The following MICU3 variants were observed in gnomAD, a reference collection of about 807,000 sequenced individuals.
MICU3 encodes the protein calcium uptake protein 3, mitochondrial.
A neutral mutation model predicts 66.5 loss-of-function variants in MICU3; 62 were observed. The observed-to-expected ratio is 0.93, with a 90% CI of 0.76 to 1.15. MICU3 has a LOEUF of 1.15. MICU3 is among the 50% of genes most tolerant of loss of function. The probability of loss-of-function intolerance (pLI) is 0.00; values close to 1 mark genes in which losing one functional copy is unlikely to be tolerated. For missense variants in MICU3, 779 were observed against 664.4 expected (o/e 1.17, Z -1.90); for synonymous variants, 308 against 240.7 (o/e 1.28, Z -2.59).
downstream of MICU3, among the ~76,000 whole-genome samples, chr8:17,125,375 C>A (rs1481037368): frequency 6.6e-6 from 1 of 151,812 alleles, no homozygotes; most frequent in Admixed American, 6.6e-5. Context: ...CCCTTCATTG[C>A]CTTATTTCTT....
chr8:17,073,677 A>G (rs1375394935), intron 3 of MICU3, among the ~76,000 whole-genome samples: 3 of 152,146 alleles, frequency 2.0e-5, no homozygotes, highest in African/African-American at 7.2e-5. Flanking sequence ...CCTGGTGCCA[A>G]AAAGGTTGGG....
intron 5 of MICU3, among the ~76,000 whole-genome samples, chr8:17,082,497 G>A (rs1482368245): frequency 1.3e-5 from 2 of 152,120 alleles, no homozygotes; most frequent in Non-Finnish European, 2.9e-5. Flanking sequence ...CTATTTGAAA[G>A]TATTATTGGT....
intron 5 of MICU3, among the ~76,000 whole-genome samples, chr8:17,083,080 TA>T (rs1374207060): frequency 6.6e-6 from 1 of 152,040 alleles, no homozygotes. Flanking sequence ...TCAGAGTTCT[TA>T]AGGATAATTT....
In MICU3 at chr8:17,063,065, C is replaced by CG. The variant is rs1271625711; in HGVS notation, c.382-1019_382-1018insG. On this transcript the variant is annotated intron_variant, in intron 1 of 14. Transcript: ENST00000318063. ...ATATTATACAGTTAACAAAAATGGT[C>CG]TTCTACAGGAATAGTGACACAGGAA... Among the ~76,000 whole-genome samples the CG allele has an allele frequency of 2.0e-5, 3 of 152,202 alleles. No homozygotes were observed. The East Asian group carries it at 5.8e-4, about 29-fold the overall frequency.
At chr8:17,030,372 G>T (rs1585137440) in intron 1 of MICU3, among the ~76,000 whole-genome samples, 1 of 152,194 alleles carries the variant, frequency 6.6e-6, no homozygotes, top group South Asian at 2.1e-4. Context: ...GCACGAAAGG[G>T]CTTCTTATTA....
intron 9 of MICU3, among the ~76,000 whole-genome samples, chr8:17,100,819 T>G (rs1054654296): frequency 6.6e-6 from 1 of 151,752 alleles, no homozygotes; most frequent in Non-Finnish European, 1.5e-5. Flanking sequence ...TCATATATAA[T>G]AAATTCTTAG....
At chr8:17,043,065 G>T (rs562936737) in intron 1 of MICU3, among the ~76,000 whole-genome samples, 1 of 144,578 alleles carries the variant, frequency 6.9e-6, no homozygotes, top group African/African-American at 2.6e-5. Context: ...TCAGCCTCCC[G>T]AGTAGCTGGG....
In MICU3 at chr8:17,096,958, TG is replaced by T. The variant is rs1800766984; in HGVS notation, c.889-1499del. Among the ~76,000 whole-genome samples, 4 of 21,778 alleles carry T rather than the reference TG, an allele frequency of 1.8e-4. 1 individual carries two copies. Among genetic ancestry groups the T allele is most frequent in the East Asian group, 4.9e-3 (1 of 206 alleles). 14.3% of individuals were successfully genotyped at this position (21,778 alleles called of 152,430 possible). On this transcript the variant is annotated intron_variant, in intron 8 of 14. Coordinates refer to ENST00000318063, the MANE Select transcript of MICU3 (RefSeq NM_181723.3). ...TCTTAATACGTTCTAAATATATTTG[TG>T]TGTGTGTGTGTGTGTGTGTGTGTGT...
At chr8:17,101,007 G>C (rs1801208709) in intron 9 of MICU3, among the ~76,000 whole-genome samples, 1 of 151,652 alleles carries the variant, frequency 6.6e-6, no homozygotes, top group Admixed American at 6.6e-5. Flanking sequence ...AAAATCAAAA[G>C]TTTGAAGATT....
chr8:17,110,477 T>A (rs1802092418), intron 11 of MICU3, among the ~76,000 whole-genome samples: 1 of 152,178 alleles, frequency 6.6e-6, no homozygotes, highest in African/African-American at 2.4e-5. Context: ...TCTGTGGATT[T>A]ACTTATTCTA....
chr8:17,053,528 T>G (rs1213383602), intron 1 of MICU3, among the ~76,000 whole-genome samples: 1 of 152,174 alleles, frequency 6.6e-6, no homozygotes, highest in Non-Finnish European at 1.5e-5. Context: ...AGGTCTGAGT[T>G]TGGAAATTCC....
At chr8:17,052,341 T>A (rs1816240223) in intron 1 of MICU3, among the ~76,000 whole-genome samples, 2 of 152,208 alleles carry the variant, frequency 1.3e-5, no homozygotes, top group African/African-American at 2.4e-5. Context: ...ACATTTATCA[T>A]TTCTTTGTGT....
chr8:17,138,469 G>A, the MICU3 span, among the ~76,000 whole-genome samples: 2 of 152,108 alleles, frequency 1.3e-5, no homozygotes, highest in Non-Finnish European at 2.9e-5. Flanking sequence ...GGAAGGAAAT[G>A]ATGAACAACA....
In MICU3 at chr8:17,121,100, T is replaced by C. The variant is rs1006911580; in HGVS notation, c.*813T>C. On this transcript the variant is annotated 3_prime_UTR_variant, in exon 15 of 15. Transcript: ENST00000318063. ...GTCATTATCTTCTTAAACATGAAGC[T>C]GCTCCTGATCATAGGTGGTACACGT... The C allele has an allele frequency of 1.3e-5, 2 of 151,964 alleles. No individual in the cohort carries two copies. The highest frequency in any genetic ancestry group is 4.8e-5 in the African/African-American group (2 of 41,456). 9.4% of individuals were successfully genotyped at this position (151,964 alleles called of 1,614,324 possible). A position where few individuals can be genotyped will look rare whatever the true frequency, so the allele number is the denominator to read the frequency against.
Position 17,085,712 on chromosome 8 carries a change from CTTTCTCT to C in MICU3, c.777+403_777+409del, listed in dbSNP as rs1799398691. ...TCTCAATATGGGATTCATGTTTTTT[CTTTCTCT>C]TTTCTCTTCCACTTACTCCTGCCTT... On this transcript the variant is annotated intron_variant, in intron 6 of 14. Transcript: ENST00000318063. Among the ~76,000 whole-genome samples, 9 of 152,128 alleles carry C rather than the reference CTTTCTCT, an allele frequency of 5.9e-5. No homozygotes were observed. In the South Asian group the frequency reaches 1.9e-3, roughly 32 times the overall value.
rs373798835 is a variant in MICU3, at chr8:17,054,839, A to G, written c.382-9245A>G. Among the ~76,000 whole-genome samples the G allele has an allele frequency of 6.0e-5, 9 of 150,318 alleles. No homozygotes were observed. In the South Asian group the frequency reaches 6.3e-4, roughly 11 times the overall value. On this transcript the variant is annotated intron_variant, in intron 1 of 14. Transcript: ENST00000318063. ...CTGCAACCTCTGCCTCCCGGGTTCA[A>G]GCGATTCTCCTGCCTCAGCCTCCCA...
At chr8:17,077,725 G>A in intron 3 of MICU3, 58 bp from the exon 4 acceptor site, 1 of 1,183,206 alleles carries the variant, frequency 8.5e-7, no homozygotes, top group Middle Eastern at 2.2e-4. Flanking sequence ...ACATGTTTTT[G>A]ATCTATTTTA....
At position 17,116,455 on chromosome 8, in the gene MICU3, G is replaced by C; in HGVS notation, c.1379G>C (p.Arg460Pro). Reference protein sequence around the residue: ...SRSIGQDEFKRAVYVATGLKF... With the variant: ...SRSIGQDEFKPAVYVATGLKF... ...AACATTTATCTAGATGAATTTAAAC[G>C]TGCCGTCTATGTAGCTACTGGACTC... The change falls in exon 13 of 15, where the codon CGT becomes CCT. Residue 460 changes from arginine (R) to proline (P), a missense_variant. By Grantham distance (103) the Arg-to-Pro change is moderately radical. Transcript: ENST00000318063. 1 of 1,465,716 alleles carries C rather than the reference G, an allele frequency of 6.8e-7. No homozygotes were observed. Among genetic ancestry groups the C allele is most frequent in the Non-Finnish European group, 9.0e-7 (1 of 1,109,636 alleles). The allele number at this position is 1,465,716 out of a possible 1,614,324, so 90.8% of individuals were successfully genotyped here.
At position 17,043,004 on chromosome 8, in the gene MICU3, A is replaced by G. The variant is rs1452179072; in HGVS notation, c.381+15344A>G. On this transcript the variant is annotated intron_variant, in intron 1 of 14. Transcript: ENST00000318063. ...GCCCAAGCTGGACTGCAGTGGCGCT[A>G]TCCCGGCTCACTGCAAGCTCCGCCT... 4.8e-5 allele frequency among the ~76,000 whole-genome samples: 6 copies of G among 124,560 alleles called. No individual in the cohort carries two copies. In the East Asian group the frequency reaches 7.5e-4, roughly 16 times the overall value. 81.7% of individuals were successfully genotyped at this position (124,560 alleles called of 152,430 possible).
Sources: gnomAD v4.1 joint callset for allele counts (sites outside exome capture counted in the v4.1 genomes callset) on GRCh38, gnomAD v4.1.1 for gene constraint, MANE v1.5 for transcripts, NCBI Gene and HGNC (gene_info 2026-07-23, HGNC 2026-07-21) for gene names.